TFAP2B: variants seen among roughly 807,000 people sequenced by gnomAD.
TFAP2B encodes the protein transcription factor AP-2 beta.
A neutral mutation model predicts 44.3 loss-of-function variants in TFAP2B; 9 were observed. The ratio of observed to expected loss-of-function variants is 0.20; its 90% CI spans 0.12 to 0.35. The LOEUF is 0.35. TFAP2B is among the 10% of genes least tolerant of loss of function. The pLI, the probability that TFAP2B is intolerant of heterozygous loss-of-function variation, is 1.00. For synonymous variants in TFAP2B, 270 were observed against 263.8 expected (o/e 1.02, Z -0.23); for missense variants, 509 against 600.0 (o/e 0.85, Z 1.59).
intron 2 of TFAP2B, among the ~76,000 whole-genome samples, chr6:50,825,434 G>A (rs1006481025): frequency 1.3e-5 from 2 of 152,086 alleles, no homozygotes; most frequent in African/African-American, 2.4e-5. Flanking sequence ...GCTAATGCCG[G>A]CCCTGTTACC....
At chr6:50,819,032 G>A (rs1250215454) in intron 1 of TFAP2B, 60 bp downstream of exon 1, 1 of 1,434,398 alleles carries the variant, frequency 7.0e-7, no homozygotes, top group East Asian at 2.3e-5. Context: ...TGAGCTTCTT[G>A]ATACCCCAAA....
At chr6:50,820,177 G>T (rs918965493) in intron 1 of TFAP2B, among the ~76,000 whole-genome samples, 1 of 152,254 alleles carries the variant, frequency 6.6e-6, no homozygotes, top group African/African-American at 2.4e-5. Context: ...GGCGCGGGCC[G>T]CTAGGTCAGA....
At position 50,823,439 on chromosome 6, in the gene TFAP2B, G is replaced by C. The variant is rs1051932607; in HGVS notation, c.114G>C (p.Ser38=). 4.4e-6 allele frequency: 7 copies of C among 1,605,598 alleles called. No homozygotes were observed. In the Admixed American group the frequency reaches 1.2e-4, roughly 27 times the overall value. The change falls in exon 2 of 7, where the codon TCG becomes TCC. Residue 38 remains serine (S), a synonymous_variant. Transcript: ENST00000393655. ...DRHDGVPSHS[S]RLSQLGSVSQ... ...ACGATGGTGTCCCGAGCCACAGCTC[G>C]CGGCTCTCCCAGCTGGGCTCGGTGT...
At chr6:50,834,711 C>T (rs1328442863) in intron 3 of TFAP2B, among the ~76,000 whole-genome samples, 1 of 152,190 alleles carries the variant, frequency 6.6e-6, no homozygotes, top group East Asian at 1.9e-4. Context: ...ACGACAGAAA[C>T]AGCCTATCTT....
At chr6:50,821,318 A>AGCAAAAGTCT (rs1770339303) in intron 1 of TFAP2B, among the ~76,000 whole-genome samples, 1 of 152,244 alleles carries the variant, frequency 6.6e-6, no homozygotes, top group Non-Finnish European at 1.5e-5. Flanking sequence ...TTCCACATTT[A>AGCAAAAGTCT]GCAAAAGTCT....
In TFAP2B at chr6:50,840,163, T is replaced by C; in HGVS notation, c.948T>C (p.Ala316=). ...TACTGCTGTCTTTTTCAGGAGAAGC[T>C]GTTCACTTAGCTAGGGATTTTGGGT... The part of the protein sequence containing the change: ...TLLTSLVEGE[A]VHLARDFGYI... The change falls in exon 6 of 7, where the codon GCT becomes GCC. Residue 316 remains alanine, a synonymous_variant. Transcript: ENST00000393655. 6.2e-7 allele frequency: 1 copy of C among 1,614,158 alleles called. No individual in the cohort carries two copies. The highest frequency in any genetic ancestry group is 1.1e-5 in the South Asian group (1 of 91,090).
rs374226890 is a variant in TFAP2B at position 50,842,657 on chromosome 6, G to T, written c.1083-435G>T. ...CCAGGGACAGGCTTGTGGCCGAGGG[G>T]CCTAAATCTTTCAGGGCTTTTTGCG... On this transcript the variant is annotated intron_variant, in intron 6 of 6. Transcript: ENST00000393655. Among the ~76,000 whole-genome samples the T allele has an allele frequency of 2.0e-5, 3 of 152,240 alleles. No homozygotes were observed. The South Asian group carries it at 6.2e-4, about 32-fold the overall frequency.
chr6:50,834,789 C>T (rs2113947500), intron 3 of TFAP2B, among the ~76,000 whole-genome samples: 1 of 152,300 alleles, frequency 6.6e-6, no homozygotes, highest in South Asian at 2.1e-4. Flanking sequence ...TCTTTTTTCA[C>T]ACCAGATGCA....
At chr6:50,839,362 A>C (rs1226289250) in intron 5 of TFAP2B, among the ~76,000 whole-genome samples, 1 of 152,210 alleles carries the variant, frequency 6.6e-6, no homozygotes, top group East Asian at 1.9e-4. Context: ...TCCTCCTTAA[A>C]AATAATGTAG....
Position 50,823,249 on chromosome 6 carries a change from C to T in TFAP2B, c.82-158C>T, listed in dbSNP as rs575170071. 2.4e-4 allele frequency among the ~76,000 whole-genome samples: 36 copies of T among 152,296 alleles called. No homozygotes were observed. The South Asian group carries it at 7.3e-3, about 31-fold the overall frequency. ...TGGGGGTCTAAGTTTCAGATCCTTG[C>T]TTCCCTTGTCCCGGGAAGAGCGTAC... On this transcript the variant is annotated intron_variant, in intron 1 of 6. Transcript: ENST00000393655.
intron 4 of TFAP2B, among the ~76,000 whole-genome samples, chr6:50,836,552 C>G (rs966988014): frequency 2.4e-4 from 37 of 152,202 alleles, no homozygotes; most frequent in African/African-American, 8.9e-4. Context: ...GCCCTGGGAA[C>G]CTTTCACTTT....
chr6:50,830,508 G>T (rs1770644117), intron 3 of TFAP2B, among the ~76,000 whole-genome samples: 1 of 152,104 alleles, frequency 6.6e-6, no homozygotes, highest in Admixed American at 6.6e-5. Flanking sequence ...TACATTTTAT[G>T]TCCCCCCAAA....
In TFAP2B at chr6:50,844,588, TACATGCTA is replaced by T. The variant is rs1261700378; in HGVS notation, c.*1201_*1208del. On this transcript the variant is annotated 3_prime_UTR_variant, in exon 7 of 7. Transcript: ENST00000393655. ...AATATGATGGAAGCAGCTTTGAATC[TACATGCTA>T]ACATTCCTCAACACTCCAATTCCGG... is the stretch of plus-strand genomic sequence containing the variant. 12 of 152,702 alleles carry T rather than the reference TACATGCTA, an allele frequency of 7.9e-5. No homozygotes were observed. Among genetic ancestry groups the T allele is most frequent in the African/African-American group, 2.9e-4 (12 of 41,466 alleles). The allele number at this position is 152,702 out of a possible 1,614,324, so 9.5% of individuals were successfully genotyped here. A position where few individuals can be genotyped will look rare whatever the true frequency, so the allele number is the denominator to read the frequency against.
intron 3 of TFAP2B, among the ~76,000 whole-genome samples, chr6:50,829,538 TTTAA>T (rs1413262090): frequency 6.6e-6 from 1 of 152,210 alleles, no homozygotes; most frequent in Non-Finnish European, 1.5e-5. Flanking sequence ...CAGTGCAATC[TTTAA>T]TTATCACAGG....
intron 5 of TFAP2B, 137 bp downstream of exon 5, chr6:50,838,230 C>T: frequency 1.3e-6 from 1 of 793,536 alleles, no homozygotes; most frequent in Non-Finnish European, 2.2e-6. Context: ...CAAGCGGCTT[C>T]TTGAGAGAGG....
chr6:50,833,213 G>A (rs1192157698), intron 3 of TFAP2B, among the ~76,000 whole-genome samples: 1 of 152,148 alleles, frequency 6.6e-6, no homozygotes, highest in Non-Finnish European at 1.5e-5. Context: ...GCCCTGTTGA[G>A]CTCTGGGTTT....
rs1762792349 is a variant in TFAP2B, at chr6:50,844,115, G to A, written c.*723G>A. ...GACCAGGCGGAGGCTGCAATTTTTG[G>A]TGCCGGCCGGCAGAGCAGGTTCTGG... On this transcript the variant is annotated 3_prime_UTR_variant, in exon 7 of 7. Transcript: ENST00000393655. 1 of 152,204 alleles carries A rather than the reference G, an allele frequency of 6.6e-6. No individual in the cohort carries two copies. The highest frequency in any genetic ancestry group is 2.1e-4 in the South Asian group (1 of 4,832). The allele number at this position is 152,204 out of a possible 1,614,324, so 9.4% of individuals were successfully genotyped here. A position where few individuals can be genotyped will look rare whatever the true frequency, so the allele number is the denominator to read the frequency against.
chr6:50,834,128 T>C (rs1408952725), intron 3 of TFAP2B, among the ~76,000 whole-genome samples: 1 of 152,202 alleles, frequency 6.6e-6, no homozygotes, highest in Non-Finnish European at 1.5e-5. Context: ...AAGAGTAAGA[T>C]AGACTGAAAT....
At chr6:50,823,957 T>C (rs1025958198) in intron 2 of TFAP2B, 92 bp downstream of exon 2, 11 of 1,361,536 alleles carry the variant, frequency 8.1e-6, no homozygotes, top group African/African-American at 1.4e-5. Flanking sequence ...CAGCTCTGTC[T>C]CTTTTTGGGG....
Sources: gnomAD v4.1 joint callset for allele counts (sites outside exome capture counted in the v4.1 genomes callset) on GRCh38, gnomAD v4.1.1 for gene constraint, MANE v1.5 for transcripts, NCBI Gene and HGNC (gene_info 2026-07-23, HGNC 2026-07-21) for gene names.